TENM4: variants seen among roughly 807,000 people sequenced by gnomAD.
TENM4 encodes teneurin-4.
TENM4 carries 82 observed loss-of-function variants against 243.3 expected under a neutral mutation model. That is an observed-to-expected ratio of 0.34 (90% confidence interval 0.28 to 0.40). The LOEUF is 0.40. Ranked by LOEUF, TENM4 falls within the 10% of genes least tolerant of loss-of-function variation. The probability of loss-of-function intolerance (pLI) is 1.00; values close to 1 mark genes in which losing one functional copy is unlikely to be tolerated. For missense variants in TENM4, 3,138 were observed against 3,673.3 expected (o/e 0.85, Z 3.77); for synonymous variants, 1,412 against 1,456.3 (o/e 0.97, Z 0.69).
At chr11:79,074,124 G>T (rs556115135) in intron 4 of TENM4, among the ~76,000 whole-genome samples, 1 of 152,260 alleles carries the variant, frequency 6.6e-6, no homozygotes, top group Admixed American at 6.5e-5. Context: ...GAGAACATTC[G>T]CCTGGTTCTC....
At chr11:79,298,521 CAAAA>C (rs61373828) in intron 1 of TENM4, among the ~76,000 whole-genome samples, 3 of 17,256 alleles carry the variant, frequency 1.7e-4, no homozygotes, top group Admixed American at 7.5e-4. Context: ...GACTCCGTCT[CAAAA>C]AAAAAAAAAA....
intron 9 of TENM4, among the ~76,000 whole-genome samples, chr11:78,869,997 T>C (rs1261958196): frequency 4.6e-5 from 7 of 152,202 alleles, no homozygotes; most frequent in African/African-American, 1.7e-4. Context: ...AGTAAGCAAC[T>C]TGCCACAGGC....
At chr11:79,005,515 C>T (rs1427243973) in intron 6 of TENM4, among the ~76,000 whole-genome samples, 1 of 152,158 alleles carries the variant, frequency 6.6e-6, no homozygotes, top group East Asian at 1.9e-4. Flanking sequence ...ATGATCATCT[C>T]AAAGAGGCAG....
rs1857954533 is a variant in TENM4 at position 78,658,510 on chromosome 11, C to T, written c.7858G>A (p.Val2620Met). 1 of 1,614,008 alleles carries T rather than the reference C, an allele frequency of 6.2e-7. No homozygotes were observed. Among genetic ancestry groups the T allele is most frequent in the East Asian group, 2.2e-5 (1 of 44,884 alleles). The part of the protein sequence containing the change: ...TIDGVDTHYF[V>M]KPGPSEGDLA... ...TCACCTTCTGAAGGTCCTGGTTTCA[C>T]AAAGTAATGGGTATCCACCCCATCA... Residue 2620 changes from valine to methionine, a missense_variant, in exon 34 of 34, where the codon GTG (valine) becomes ATG (methionine). This residue lies in a region of TENM4 where 2,467 missense variants were observed against 3,059.1 expected (regional missense o/e 0.81). Coordinates refer to ENST00000278550, the MANE Select transcript of TENM4 (RefSeq NM_001098816.3).
At chr11:79,358,621 G>C (rs1415834758) in intron 1 of TENM4, among the ~76,000 whole-genome samples, 2 of 151,180 alleles carry the variant, frequency 1.3e-5, no homozygotes, top group African/African-American at 4.9e-5. Flanking sequence ...CTCCCTTCCT[G>C]CCTGCCTGCC....
rs144972722 is a variant in TENM4, at chr11:79,043,336, G to A, written c.493+21402C>T. On this transcript the variant is annotated intron_variant, in intron 6 of 33. Coordinates refer to ENST00000278550, the MANE Select transcript of TENM4 (RefSeq NM_001098816.3). ...TGCTTCTGGTGCATGGAAGGTGCAC[G>A]TTTCCCTGCTCCTTTGTAGTTAAGT... Among the ~76,000 whole-genome samples, 378 of 152,284 alleles carry A rather than the reference G, an allele frequency of 2.5e-3. 3 individuals carry two copies. Among genetic ancestry groups the A allele is most frequent in the African/African-American group, 8.5e-3 (354 of 41,540 alleles).
intron 6 of TENM4, among the ~76,000 whole-genome samples, chr11:79,061,827 C>T (rs1860096250): frequency 6.6e-6 from 1 of 152,156 alleles, no homozygotes; most frequent in Non-Finnish European, 1.5e-5. Flanking sequence ...GATTTCTTAA[C>T]TTCTCTGGGC....
chr11:78,958,864 A>T (rs1857260688), intron 6 of TENM4, among the ~76,000 whole-genome samples: 1 of 152,246 alleles, frequency 6.6e-6, no homozygotes, highest in Admixed American at 6.5e-5. Flanking sequence ...TGCTCTGTTG[A>T]GGGTGGTCTC....
chr11:79,070,935 A>G (rs974452924), intron 4 of TENM4, among the ~76,000 whole-genome samples: 6 of 151,992 alleles, frequency 3.9e-5, no homozygotes, highest in South Asian at 2.1e-4. Flanking sequence ...TCACCTCCAG[A>G]CTTGCCCATC....
chr11:79,220,112 C>T (rs187884389), intron 2 of TENM4, among the ~76,000 whole-genome samples: 184 of 152,358 alleles, frequency 1.2e-3, no homozygotes, highest in African/African-American at 2.4e-3. Flanking sequence ...AGAAACTCAG[C>T]GTTCCTGTGC....
intron 6 of TENM4, among the ~76,000 whole-genome samples, chr11:78,950,784 G>A (rs1320461920): frequency 6.6e-6 from 1 of 152,182 alleles, no homozygotes; most frequent in Non-Finnish European, 1.5e-5. Flanking sequence ...AGGGAAAAAT[G>A]AAAACTCCGA....
chr11:78,958,861 T>C (rs1857260596), intron 6 of TENM4, among the ~76,000 whole-genome samples: 2 of 152,354 alleles, frequency 1.3e-5, no homozygotes, highest in African/African-American at 2.4e-5. Context: ...AACTGCTCTG[T>C]TGAGGGTGGT....
chr11:78,901,954 A>G (rs991521561), intron 7 of TENM4, among the ~76,000 whole-genome samples: 1 of 152,202 alleles, frequency 6.6e-6, no homozygotes, highest in African/African-American at 2.4e-5. Context: ...TGGCCTCCAC[A>G]AGCTTGATGT....
chr11:79,164,550 T>C (rs1451115925), intron 3 of TENM4, among the ~76,000 whole-genome samples: 3 of 144,536 alleles, frequency 2.1e-5, no homozygotes, highest in Non-Finnish European at 4.5e-5. Flanking sequence ...TATATATATC[T>C]ATATACTATA....
intron 3 of TENM4, among the ~76,000 whole-genome samples, chr11:79,204,615 A>G (rs573565642): frequency 9.9e-5 from 15 of 152,228 alleles, no homozygotes; most frequent in African/African-American, 3.6e-4. Flanking sequence ...ATGCAGAGCC[A>G]TAGATAGGCT....
chr11:79,267,709 G>A (rs1021408175), intron 2 of TENM4, among the ~76,000 whole-genome samples: 2 of 152,088 alleles, frequency 1.3e-5, no homozygotes, highest in Non-Finnish European at 2.9e-5. Context: ...TAGCACTTAA[G>A]GCCAGTATCT....
At chr11:79,026,718 A>G (rs763271873) in intron 6 of TENM4, among the ~76,000 whole-genome samples, 17 of 152,136 alleles carry the variant, frequency 1.1e-4, no homozygotes, top group Non-Finnish European at 2.1e-4. Context: ...GGATTCAATC[A>G]CTCCTTGTTA....
intron 1 of TENM4, among the ~76,000 whole-genome samples, chr11:79,307,840 T>C (rs1245850560): frequency 2.0e-5 from 3 of 152,170 alleles, no homozygotes; most frequent in Admixed American, 6.5e-5. Flanking sequence ...ACTGAGAGGA[T>C]ATGGAGACCT....
At chr11:79,141,771 AAC>A (rs1469584253) in intron 4 of TENM4, among the ~76,000 whole-genome samples, 1 of 152,128 alleles carries the variant, frequency 6.6e-6, no homozygotes, top group African/African-American at 2.4e-5. Flanking sequence ...AACTGAATTC[AAC>A]AACTCATTAA....
Sources: allele counts gnomAD v4.1 joint callset (sites outside exome capture counted in the v4.1 genomes callset), GRCh38; gene constraint gnomAD v4.1.1; regional missense constraint gnomAD v4.1.1; transcripts MANE v1.5; gene names NCBI Gene and HGNC (gene_info 2026-07-23, HGNC 2026-07-21).